The following CEP164 variants were observed in gnomAD, a reference collection of about 807,000 sequenced individuals.
CEP164 encodes centrosomal protein 164.
Under a neutral mutation model 182.7 loss-of-function variants are expected in CEP164, and 162 were observed. That is an observed-to-expected ratio of 0.89 (90% CI 0.78 to 1.01). The LOEUF (loss-of-function observed/expected upper bound fraction) is 1.01, where lower values mean the gene tolerates loss of function less well. Ranked by LOEUF, CEP164 falls within the 50% of genes least tolerant of loss-of-function variation. CEP164 has a pLI of 0.00. For synonymous variants in CEP164, 661 were observed against 690.0 expected (o/e 0.96, Z 0.66); for missense variants, 1,735 against 1,790.4 (o/e 0.97, Z 0.56).
intron 27 of CEP164, 88 bp from the exon 28 acceptor site, chr11:117,407,837 C>A: frequency 1.1e-6 from 1 of 885,140 alleles, no homozygotes; most frequent in Non-Finnish European, 1.8e-6. Flanking sequence ...GTAATTTGTT[C>A]AAGATCACCC....
intron 12 of CEP164, 111 bp from the exon 13 acceptor site, chr11:117,381,590 G>A (rs1432147343): frequency 1.0e-5 from 13 of 1,287,484 alleles, no homozygotes; most frequent in Non-Finnish European, 1.3e-5. Flanking sequence ...TGGGGCTGGA[G>A]CATAACCCAG....
Position 117,407,989 on chromosome 11 carries a change from AAG to A in CEP164, c.3569_3570del (p.Glu1190GlyfsTer17). Reference sequence around the variant, plus strand: ...AAAGGCCACAACCTGCTGAAGAAGAAAGAGGAGAAGCTGAATCAGTTGGAGTC... The same window carrying A: ...AAAGGCCACAACCTGCTGAAGAAGAAAGGAGAAGCTGAATCAGTTGGAGTC... On this transcript the variant is annotated frameshift_variant, in exon 28 of 33. Coordinates refer to ENST00000278935, the MANE Select transcript of CEP164 (RefSeq NM_014956.5). LOFTEE classifies it high-confidence loss of function. 6.2e-7 allele frequency: 1 copy of A among 1,601,216 alleles called. No individual in the cohort carries two copies. Among genetic ancestry groups the A allele is most frequent in the Admixed American group, 1.7e-5 (1 of 58,362 alleles).
chr11:117,323,832 C>G (rs779794938), upstream of CEP164: 2 of 395,832 alleles, frequency 5.1e-6, no homozygotes, highest in South Asian at 3.7e-5. Flanking sequence ...GTTTGCATTT[C>G]CCTCATGGTT....
At chr11:117,395,358 C>A (rs992343241) in intron 23 of CEP164, among the ~76,000 whole-genome samples, 167 bp downstream of exon 23, 1 of 152,196 alleles carries the variant, frequency 6.6e-6, no homozygotes, top group Non-Finnish European at 1.5e-5. Flanking sequence ...CACTTGGGAA[C>A]CTCAAGGGAG....
At chr11:117,382,702 C>G in intron 13 of CEP164, 94 bp from the exon 14 acceptor site, 2 of 1,440,460 alleles carry the variant, frequency 1.4e-6, no homozygotes, top group Non-Finnish European at 9.4e-7. Context: ...TCTCTCTTGT[C>G]TCTGTCATAG....
At chr11:117,355,171 G>T in intron 5 of CEP164, 1 of 1,289,842 alleles carries the variant, frequency 7.8e-7, no homozygotes, top group South Asian at 1.2e-5. Flanking sequence ...AAATCCACCA[G>T]GTCTTTGCTG....
chr11:117,383,865 G>A (rs2043633712), intron 14 of CEP164, among the ~76,000 whole-genome samples: 1 of 152,146 alleles, frequency 6.6e-6, no homozygotes, highest in African/African-American at 2.4e-5. Flanking sequence ...GCGAAACCCC[G>A]TCTCTACTAA....
intron 1 of CEP164, among the ~76,000 whole-genome samples, chr11:117,331,710 A>G (rs542342045): frequency 6.6e-6 from 1 of 151,330 alleles, no homozygotes; most frequent in Admixed American, 6.6e-5. Context: ...GGTGGACCAA[A>G]ACTACTGCGG....
chr11:117,362,672 AG>A (rs2041129240), intron 7 of CEP164, 134 bp downstream of exon 7: 7 of 959,086 alleles, frequency 7.3e-6, no homozygotes, highest in Middle Eastern at 3.4e-4. Flanking sequence ...GTTAAAATTC[AG>A]TGGTATTAAT....
intron 28 of CEP164, among the ~76,000 whole-genome samples, 167 bp downstream of exon 28, chr11:117,408,199 C>A (rs2136888613): frequency 6.6e-6 from 1 of 152,300 alleles, no homozygotes; most frequent in Non-Finnish European, 1.5e-5. Context: ...GGCTTCAATT[C>A]TGAGTTTGTT....
rs575954462 is a variant in CEP164 at position 117,334,214 on chromosome 11, C to T, written c.-97-1391C>T. 2.0e-5 allele frequency among the ~76,000 whole-genome samples: 3 copies of T among 152,246 alleles called. No individual in the cohort carries two copies. In the East Asian group the frequency reaches 5.8e-4, roughly 29 times the overall value. On this transcript the variant is annotated intron_variant, in intron 1 of 32. Transcript: ENST00000278935. ...AGAAATAAATGCACGTGGTAGGTGC[C>T]CAATAAATATTCCTCGAGTGAGTAG...
upstream of CEP164, among the ~76,000 whole-genome samples, chr11:117,326,754 C>T (rs1223253318): frequency 6.6e-6 from 1 of 152,204 alleles, no homozygotes; most frequent in Non-Finnish European, 1.5e-5. Flanking sequence ...CTGAGTGGCA[C>T]TGGGACTATC....
Position 117,387,427 on chromosome 11 carries a change from C to A in CEP164, c.1934+15C>A. 6.2e-7 allele frequency: 1 copy of A among 1,612,722 alleles called. No homozygotes were observed. Among genetic ancestry groups the A allele is most frequent in the South Asian group, 1.1e-5 (1 of 90,900 alleles). Reference sequence around the variant, plus strand: ...CAATCTCTCAGGTCCTGCCCTTCCCCTTAGGCATGCTTCCTGGGGCCTTTC... The same window carrying A: ...CAATCTCTCAGGTCCTGCCCTTCCCATTAGGCATGCTTCCTGGGGCCTTTC... On this transcript the variant is annotated intron_variant, in intron 15 of 32. Transcript: ENST00000278935.
intron 5 of CEP164, chr11:117,359,498 G>A (rs546361097): frequency 1.4e-4 from 138 of 985,424 alleles, no homozygotes; most frequent in South Asian, 7.5e-4. Flanking sequence ...ATGAGCATCT[G>A]ATGCAGAAAT....
intron 5 of CEP164, among the ~76,000 whole-genome samples, chr11:117,360,112 A>C (rs1284471127): frequency 6.6e-6 from 1 of 151,974 alleles, no homozygotes; most frequent in East Asian, 1.9e-4. Context: ...TTTGTTGCTC[A>C]TGTGTATTTT....
chr11:117,410,288 T>G, intron 30 of CEP164: 1 of 492,078 alleles, frequency 2.0e-6, no homozygotes. Flanking sequence ...GTCATTATCT[T>G]AATAGCTACC....
chr11:117,409,541 C>A lies in CEP164; in HGVS notation c.3749-77C>A. On this transcript the variant is annotated intron_variant, in intron 29 of 32. Transcript: ENST00000278935. The surrounding 1 kb of genome is among the most constrained non-coding windows in gnomAD (Gnocchi z 4.4). The stretch of plus-strand genomic sequence containing the variant: ...AGGGAGGGGTGGCCAGTAGGGTCCT[C>A]CATGACAGCTGTGTCTGGGAATGGT... The A allele has an allele frequency of 7.3e-7, 1 of 1,362,686 alleles. No homozygotes were observed. Among genetic ancestry groups the A allele is most frequent in the Non-Finnish European group, 1.0e-6 (1 of 986,876 alleles). The allele number at this position is 1,362,686 out of a possible 1,614,324, so 84.4% of individuals were successfully genotyped here. A position where few individuals can be genotyped will look rare whatever the true frequency, so the allele number is the denominator to read the frequency against.
At chr11:117,379,642 T>A (rs1728170790) in intron 11 of CEP164, among the ~76,000 whole-genome samples, 1 of 152,100 alleles carries the variant, frequency 6.6e-6, no homozygotes, top group Non-Finnish European at 1.5e-5. Flanking sequence ...GATTTAATCC[T>A]CACCAGAAGC....
chr11:117,382,554 A>G (rs186564865), intron 13 of CEP164, among the ~76,000 whole-genome samples: 216 of 152,294 alleles, frequency 1.4e-3, no homozygotes, highest in Non-Finnish European at 1.7e-3. Flanking sequence ...CCTGCTGTGT[A>G]CGGAGCTCCT....
Sources: gnomAD v4.1 joint callset for allele counts (sites outside exome capture counted in the v4.1 genomes callset) on GRCh38, gnomAD v4.1.1 for gene constraint, Gnocchi (gnomAD v3.1) non-coding constraint, MANE v1.5 for transcripts, NCBI Gene and HGNC (gene_info 2026-07-23, HGNC 2026-07-21) for gene names.